The following NEK11 variants were observed in gnomAD, a reference collection of about 807,000 sequenced individuals.
NEK11 encodes the protein NIMA related kinase 11, also known as serine/threonine-protein kinase Nek11.
NEK11 carries 72 observed loss-of-function variants against 80.7 expected under a neutral mutation model. That is an observed-to-expected ratio of 0.89 (90% CI 0.74 to 1.08). The LOEUF is 1.08. Among genes scored for constraint, NEK11 ranks in the 50% least tolerant of loss-of-function variants. The probability of loss-of-function intolerance (pLI) is 0.00; values close to 1 mark genes in which losing one functional copy is unlikely to be tolerated. For missense variants in NEK11, 764 were observed against 763.6 expected (o/e 1.00, Z -0.01); for synonymous variants, 251 against 260.7 (o/e 0.96, Z 0.36).
chr3:131,093,468 G>T (rs1453654547), intron 4 of NEK11, among the ~76,000 whole-genome samples: 5 of 152,086 alleles, frequency 3.3e-5, no homozygotes, highest in African/African-American at 1.2e-4. Context: ...CTGTCTGTCA[G>T]GCTGGAGTGT....
At chr3:131,111,688 A>C (rs141980806) in intron 5 of NEK11, among the ~76,000 whole-genome samples, 2 of 152,204 alleles carry the variant, frequency 1.3e-5, no homozygotes, top group Non-Finnish European at 2.9e-5. Flanking sequence ...ATTGGTGCAA[A>C]AGTAATTGTG....
chr3:131,139,884 G>C (rs2086490877), intron 7 of NEK11, among the ~76,000 whole-genome samples: 1 of 152,184 alleles, frequency 6.6e-6, no homozygotes, highest in Non-Finnish European at 1.5e-5. Flanking sequence ...TTGTAGCGAG[G>C]AGCATCAGGG....
intron 17 of NEK11, among the ~76,000 whole-genome samples, chr3:131,334,245 G>A (rs1464806861): frequency 6.6e-6 from 1 of 152,094 alleles, no homozygotes; most frequent in Non-Finnish European, 1.5e-5. Context: ...AAATGTAAAA[G>A]AACAGAAATT....
chr3:131,305,247 C>T lies in NEK11; in HGVS notation c.1718+31673C>T, dbSNP rs546239284. ...CATTGGTGAGTGCGTGCTAACAAAA[C>T]GGCAAAGGGAAGCTTCAGGTGAGCT... On this transcript the variant is annotated intron_variant, in intron 17 of 17. Coordinates refer to ENST00000383366, the MANE Select transcript of NEK11 (RefSeq NM_024800.5). Among the ~76,000 whole-genome samples, 61 of 152,146 alleles carry T rather than the reference C, an allele frequency of 4.0e-4. No homozygotes were observed. In the South Asian group the frequency reaches 7.5e-3, roughly 19 times the overall value.
intron 3 of NEK11, among the ~76,000 whole-genome samples, chr3:131,076,020 T>C (rs2074287075): frequency 2.0e-5 from 3 of 152,162 alleles, no homozygotes; most frequent in Admixed American, 2.0e-4. Flanking sequence ...CCACCTTGTT[T>C]CTTGATGCAG....
intron 6 of NEK11, chr3:131,133,370 G>T: frequency 2.3e-6 from 1 of 427,722 alleles, no homozygotes; most frequent in Non-Finnish European, 4.6e-6. Flanking sequence ...GTATTAAAAA[G>T]CTGATAGATT....
At chr3:131,056,319 G>A (rs146722407) in intron 3 of NEK11, among the ~76,000 whole-genome samples, 2 of 152,288 alleles carry the variant, frequency 1.3e-5, no homozygotes, top group East Asian at 3.9e-4. Flanking sequence ...GCCTATGTTA[G>A]GAGTTAGGTG....
At chr3:131,083,482 G>A (rs1005912285) in intron 4 of NEK11, among the ~76,000 whole-genome samples, 2 of 152,222 alleles carry the variant, frequency 1.3e-5, no homozygotes, top group African/African-American at 4.8e-5. Context: ...CTCCGTTCTT[G>A]TTAACAGAGA....
intron 3 of NEK11, among the ~76,000 whole-genome samples, chr3:131,038,970 C>G (rs2066044835): frequency 6.6e-6 from 1 of 152,114 alleles, no homozygotes; most frequent in Non-Finnish European, 1.5e-5. Context: ...CTAAGCTATT[C>G]TAGTAAATAA....
intron 17 of NEK11, among the ~76,000 whole-genome samples, chr3:131,297,074 G>A (rs1373654758): frequency 1.3e-5 from 2 of 152,100 alleles, no homozygotes; most frequent in Non-Finnish European, 2.9e-5. Context: ...TTGGACATTT[G>A]GGTTGTTTCC....
rs1054273401 is a variant in NEK11 at position 131,095,507 on chromosome 3, A to G, written c.337-14296A>G. Among the ~76,000 whole-genome samples the G allele has an allele frequency of 3.6e-4, 55 of 152,228 alleles. 1 individual carries two copies. Among genetic ancestry groups the G allele is most frequent in the Admixed American group, 7.2e-4 (11 of 15,268 alleles). On this transcript the variant is annotated intron_variant, in intron 4 of 17. Transcript: ENST00000383366. Reference sequence around the variant, plus strand: ...TAATTATAATGCAATTGACAAGAAAATTTTGTTTCCTTTTCTGTATATACA... The same window carrying G: ...TAATTATAATGCAATTGACAAGAAAGTTTTGTTTCCTTTTCTGTATATACA...
chr3:131,089,937 GA>G (rs1368809453), intron 4 of NEK11, among the ~76,000 whole-genome samples: 2 of 152,166 alleles, frequency 1.3e-5, no homozygotes, highest in African/African-American at 4.8e-5. Context: ...ATTAATAACG[GA>G]AGCTTTTTCA....
intron 3 of NEK11, among the ~76,000 whole-genome samples, chr3:131,045,845 T>A (rs922066543): frequency 9.9e-5 from 15 of 152,216 alleles, no homozygotes; most frequent in African/African-American, 2.9e-4. Flanking sequence ...AAGTTTTTTT[T>A]ATCATTGTAT....
intron 4 of NEK11, among the ~76,000 whole-genome samples, chr3:131,098,066 A>G (rs1331570004): frequency 1.4e-5 from 2 of 147,246 alleles, no homozygotes; most frequent in East Asian, 1.9e-4. Flanking sequence ...AGGATTCCCT[A>G]TTTAATAAAT....
At chr3:131,096,194 A>G (rs1371714756) in intron 4 of NEK11, among the ~76,000 whole-genome samples, 4 of 150,874 alleles carry the variant, frequency 2.7e-5, no homozygotes, top group East Asian at 1.9e-4. Flanking sequence ...TCCCTCCCCT[A>G]TCTAGTAGTT....
intron 17 of NEK11, among the ~76,000 whole-genome samples, chr3:131,285,387 G>A (rs1227739724): frequency 6.6e-6 from 1 of 152,144 alleles, no homozygotes. Context: ...TCATTGAGGG[G>A]GCTGAGCTCA....
At chr3:131,164,083 T>C (rs4974475) in intron 11 of NEK11, among the ~76,000 whole-genome samples, 123,453 of 152,170 alleles carry the variant, frequency 0.81, 50,168 homozygotes, top group East Asian at 0.86. Flanking sequence ...ATGAATATCA[T>C]GATAAGCCAA....
chr3:131,217,337 C>T (rs906714328), intron 14 of NEK11, among the ~76,000 whole-genome samples: 1 of 151,916 alleles, frequency 6.6e-6, no homozygotes, highest in Non-Finnish European at 1.5e-5. Context: ...ACTGGGTATC[C>T]TTATAAGCTG....
chr3:131,228,769 T>C lies in NEK11; in HGVS notation c.1560+81T>C, dbSNP rs1046392103. The C allele has an allele frequency of 1.4e-5, 20 of 1,405,770 alleles. No individual in the cohort carries two copies. In the African/African-American group the frequency reaches 2.0e-4, roughly 14 times the overall value. 87.1% of individuals were successfully genotyped at this position (1,405,770 alleles called of 1,614,324 possible). ...CTCCCAGAGAAGAAAGGAAGTCTTA[T>C]AAGGTGAAGTTGGGGACATGGGGAA... is the stretch of plus-strand genomic sequence containing the variant. On this transcript the variant is annotated intron_variant, in intron 15 of 17. Coordinates refer to ENST00000383366, the MANE Select transcript of NEK11 (RefSeq NM_024800.5).
Sources: allele counts gnomAD v4.1 joint callset (sites outside exome capture counted in the v4.1 genomes callset), GRCh38; gene constraint gnomAD v4.1.1; transcripts MANE v1.5; gene names NCBI Gene and HGNC (gene_info 2026-07-23, HGNC 2026-07-21).